The following FBXW11 variants were observed in gnomAD, a reference collection of about 807,000 sequenced individuals.
FBXW11 encodes the protein F-box and WD repeat domain containing 11, also known as F-box/WD repeat-containing protein 11.
A neutral mutation model predicts 77.6 loss-of-function variants in FBXW11; 19 were observed. That is an observed-to-expected ratio of 0.24 (90% CI 0.17 to 0.36). The LOEUF (loss-of-function observed/expected upper bound fraction) is 0.36, where lower values mean the gene tolerates loss of function less well. FBXW11 is among the 10% of genes least tolerant of loss of function. FBXW11 has a pLI of 1.00. For missense variants in FBXW11, 334 were observed against 704.2 expected, an observed-to-expected ratio of 0.47 and a Z score of 5.95; for synonymous variants, 235 against 249.4, an observed-to-expected ratio of 0.94 and a Z score of 0.54.
chr5:171,969,664 C>T (rs9313567), intron 1 of FBXW11, among the ~76,000 whole-genome samples: 133,439 of 152,262 alleles, frequency 0.88, 58,607 homozygotes, highest in East Asian at 0.98. Flanking sequence ...AAATGCAGTT[C>T]CACTGCCTTC....
intron 1 of FBXW11, among the ~76,000 whole-genome samples, chr5:171,965,417 T>C (rs1764130098): frequency 6.6e-6 from 1 of 151,626 alleles, no homozygotes; most frequent in Non-Finnish European, 1.5e-5. Flanking sequence ...TCCCAGCTAC[T>C]CAGGAGGCTG....
At position 171,931,265 on chromosome 5, in the gene FBXW11, G is replaced by A. The variant is rs148163125; in HGVS notation, c.148-16860C>T. 3.0e-3 allele frequency among the ~76,000 whole-genome samples: 463 copies of A among 152,348 alleles called. 1 individual carries two copies. The highest frequency in any genetic ancestry group is 6.8e-3 in the Middle Eastern group (2 of 294). ...TGAAGGAGAACAAAGTTCAAGGAAT[G>A]ATACTGTCTGACTTCAAAAGGCACT... On this transcript the variant is annotated intron_variant, in intron 2 of 13. Transcript: ENST00000517395.
At chr5:171,919,950 G>T (rs751821759) in intron 2 of FBXW11, among the ~76,000 whole-genome samples, 4 of 152,076 alleles carry the variant, frequency 2.6e-5, no homozygotes, top group Non-Finnish European at 4.4e-5. Context: ...GAAGCCAGGA[G>T]TTCGAGACCA....
intron 4 of FBXW11, among the ~76,000 whole-genome samples, chr5:171,908,306 G>C (rs1005860833): frequency 5.3e-5 from 8 of 152,114 alleles, no homozygotes; most frequent in Admixed American, 3.9e-4. Flanking sequence ...TTAAAAGTGA[G>C]AATTATTGAA....
At position 171,916,254 on chromosome 5, in the gene FBXW11, G is replaced by GAA. The variant is rs34199464; in HGVS notation, c.148-1851_148-1850dup. Among the ~76,000 whole-genome samples the GAA allele has an allele frequency of 3.9e-3, 541 of 139,632 alleles. 4 individuals carry two copies. The highest frequency in any genetic ancestry group is 0.012 in the South Asian group (55 of 4,474). 91.6% of individuals were successfully genotyped at this position (139,632 alleles called of 152,430 possible). A position where few individuals can be genotyped will look rare whatever the true frequency, so the allele number is the denominator to read the frequency against. ...AAAGTATAATTTAAAAAAAAAATGA[G>GAA]AAAAAAAAAAAAAAAGATGCTACTT... On this transcript the variant is annotated intron_variant, in intron 2 of 13. Coordinates refer to ENST00000517395, the MANE Select transcript of FBXW11 (RefSeq NM_001378974.1).
intron 1 of FBXW11, among the ~76,000 whole-genome samples, chr5:172,000,129 G>A (rs770541916): frequency 4.6e-5 from 7 of 152,088 alleles, no homozygotes; most frequent in Non-Finnish European, 8.8e-5. Context: ...TAACCAACAC[G>A]TTTCTTCCCC....
chr5:171,988,177 T>C (rs1169144746), intron 1 of FBXW11, among the ~76,000 whole-genome samples: 1 of 152,206 alleles, frequency 6.6e-6, no homozygotes, highest in African/African-American at 2.4e-5. Flanking sequence ...TGAAAGGGTC[T>C]AGAAGCAATG....
At chr5:171,910,437 C>T in intron 4 of FBXW11, 135 bp downstream of exon 4, 1 of 558,440 alleles carries the variant, frequency 1.8e-6, no homozygotes, top group South Asian at 2.9e-5. Flanking sequence ...CCTCGAGTTC[C>T]ATATATTAAA....
chr5:171,927,206 T>C (rs1024364455), intron 2 of FBXW11, among the ~76,000 whole-genome samples: 12 of 152,214 alleles, frequency 7.9e-5, no homozygotes, highest in South Asian at 2.1e-4. Flanking sequence ...TTTCTGTTCA[T>C]TGAAAACATT....
intron 2 of FBXW11, among the ~76,000 whole-genome samples, chr5:171,951,561 T>C (rs1343468359): frequency 2.7e-5 from 2 of 72,798 alleles, no homozygotes; most frequent in Non-Finnish European, 3.7e-5. Flanking sequence ...AGAAAAAAAG[T>C]GGCTATTTTT....
At position 171,869,867 on chromosome 5, in the gene FBXW11, A is replaced by T; in HGVS notation, c.1452-60T>A. ...GTGAACAATTTATATGCTGTCAAACATTTCCTTGAAAAAAAGTAGTGCATC... is the reference window on the plus strand; with the variant it reads ...GTGAACAATTTATATGCTGTCAAACTTTTCCTTGAAAAAAAGTAGTGCATC... On this transcript the variant is annotated intron_variant, in intron 11 of 13. Coordinates refer to ENST00000517395, the MANE Select transcript of FBXW11 (RefSeq NM_001378974.1). The surrounding 1 kb of genome is among the most constrained non-coding windows in gnomAD (Gnocchi z 4.1). 1 of 1,178,316 alleles carries T rather than the reference A, an allele frequency of 8.5e-7. No individual in the cohort carries two copies. The highest frequency in any genetic ancestry group is 1.2e-6 in the Non-Finnish European group (1 of 821,554). The allele number at this position is 1,178,316 out of a possible 1,614,324, so 73.0% of individuals were successfully genotyped here.
intron 2 of FBXW11, among the ~76,000 whole-genome samples, chr5:171,945,659 A>C (rs1762969699): frequency 6.6e-6 from 1 of 152,216 alleles, no homozygotes; most frequent in South Asian, 2.1e-4. Context: ...TTCTCTGCGA[A>C]GCACTCACTA....
At chr5:171,910,880 G>A in intron 3 of FBXW11, 83 bp from the exon 4 acceptor site, 1 of 1,012,522 alleles carries the variant, frequency 9.9e-7, no homozygotes, top group Non-Finnish European at 1.4e-6. Context: ...TTTTCACCCT[G>A]TGTATTTAAT....
chr5:172,000,225 A>G (rs144801239), intron 1 of FBXW11, among the ~76,000 whole-genome samples: 155 of 152,372 alleles, frequency 1.0e-3, no homozygotes, highest in African/African-American at 3.6e-3. Flanking sequence ...GGTTAAAACC[A>G]TCAGCTTTGA....
chr5:171,871,061 G>T (rs545488831), intron 10 of FBXW11, among the ~76,000 whole-genome samples: 1 of 152,104 alleles, frequency 6.6e-6, no homozygotes, highest in African/African-American at 2.4e-5. Flanking sequence ...CACTAACCTA[G>T]GAAGAAGCCT....
chr5:171,895,826 A>G (rs987887654), intron 6 of FBXW11, among the ~76,000 whole-genome samples: 68 of 152,194 alleles, frequency 4.5e-4, no homozygotes, highest in African/African-American at 1.6e-3. Context: ...AACAATAATA[A>G]CAGCAACAAC....
chr5:171,953,531 A>G (rs1288535440), intron 2 of FBXW11, among the ~76,000 whole-genome samples: 1 of 152,234 alleles, frequency 6.6e-6, no homozygotes. Flanking sequence ...ATGGTCTTTT[A>G]GCTAATCCTT....
At chr5:171,966,165 C>T (rs530429981) in intron 1 of FBXW11, among the ~76,000 whole-genome samples, 8 of 152,240 alleles carry the variant, frequency 5.3e-5, no homozygotes, top group African/African-American at 1.2e-4. Context: ...AGTATGAGAA[C>T]GGACTAATAC....
intron 7 of FBXW11, among the ~76,000 whole-genome samples, chr5:171,890,802 T>C (rs951235072): frequency 6.6e-6 from 1 of 152,030 alleles, no homozygotes; most frequent in African/African-American, 2.4e-5. Context: ...GACAAGGGAA[T>C]TGGGGGAATG....
Sources: gnomAD v4.1 joint callset for allele counts (sites outside exome capture counted in the v4.1 genomes callset) on GRCh38, gnomAD v4.1.1 for gene constraint, Gnocchi (gnomAD v3.1) non-coding constraint, MANE v1.5 for transcripts, NCBI Gene and HGNC (gene_info 2026-07-23, HGNC 2026-07-21) for gene names.